Variants in OTUD7A observed in about 807,000 individuals in gnomAD.
OTUD7A encodes OTU deubiquitinase 7A.
Under a neutral mutation model 65.7 loss-of-function variants are expected in OTUD7A, and 12 were observed. The observed-to-expected ratio is 0.18, with a 90% CI of 0.12 to 0.30. The LOEUF (loss-of-function observed/expected upper bound fraction) is 0.30. Ranked by LOEUF, OTUD7A falls within the 10% of genes least tolerant of loss-of-function variation. The pLI is 1.00. For missense variants in OTUD7A, 1,148 were observed against 1,304.8 expected, an observed-to-expected ratio of 0.88 and a Z score of 1.85; for synonymous variants, 641 against 586.3, an observed-to-expected ratio of 1.09 and a Z score of -1.35.
At chr15:31,801,782 G>A (rs1896131022) in intron 1 of OTUD7A, among the ~76,000 whole-genome samples, 1 of 152,016 alleles carries the variant, frequency 6.6e-6, no homozygotes, top group Admixed American at 6.6e-5. Flanking sequence ...TATGATATGT[G>A]ACTGATTTTT....
At chr15:31,802,038 T>A (rs1392625041) in intron 1 of OTUD7A, among the ~76,000 whole-genome samples, 1 of 150,988 alleles carries the variant, frequency 6.6e-6, no homozygotes, top group Non-Finnish European at 1.5e-5. Context: ...CACAAAAAAA[T>A]AAGGTGTATT....
At chr15:31,766,848 A>C in intron 1 of OTUD7A, 1 of 1,611,764 alleles carries the variant, frequency 6.2e-7, no homozygotes, top group Non-Finnish European at 8.5e-7. Context: ...CTATGTTCGG[A>C]AAAGATTGAT....
intron 1 of OTUD7A, among the ~76,000 whole-genome samples, chr15:31,658,997 A>G (rs12901746): frequency 0.083 from 12,595 of 151,236 alleles, 1,294 homozygotes; most frequent in African/African-American, 0.25. Context: ...GCGCCATTGC[A>G]CTCCAGCCTG....
intron 3 of OTUD7A, among the ~76,000 whole-genome samples, chr15:31,641,972 C>T (rs1469726215): frequency 1.3e-5 from 2 of 152,162 alleles, no homozygotes; most frequent in Non-Finnish European, 2.9e-5. Flanking sequence ...AGTGAAAGGG[C>T]GCATTCTTAT....
intron 1 of OTUD7A, among the ~76,000 whole-genome samples, chr15:31,835,283 C>T (rs1897026779): frequency 6.6e-6 from 1 of 152,196 alleles, no homozygotes; most frequent in South Asian, 2.1e-4. Context: ...TTAGTATAAC[C>T]ATGTCCCATG....
At chr15:31,637,339 A>C (rs1891373143) in intron 3 of OTUD7A, among the ~76,000 whole-genome samples, 1 of 152,226 alleles carries the variant, frequency 6.6e-6, no homozygotes, top group Non-Finnish European at 1.5e-5. Flanking sequence ...ACATCTGTTG[A>C]TACCTTGGTT....
In OTUD7A at chr15:31,632,139, C is replaced by T. The variant is rs186316059; in HGVS notation, c.151+22957G>A. ...TTGTTCCGTTGCTGGTGAGAAGGTG[C>T]GTTCCTTTGGAGGAGGAGAGGTGCT... On this transcript the variant is annotated intron_variant, in intron 3 of 12. Transcript: ENST00000307050. Among the ~76,000 whole-genome samples the T allele has an allele frequency of 3.4e-3, 522 of 152,284 alleles. 3 individuals are homozygous for T. Among genetic ancestry groups the T allele is most frequent in the African/African-American group, 0.012 (498 of 41,544 alleles).
At chr15:31,594,583 C>T (rs1233977105) in intron 3 of OTUD7A, among the ~76,000 whole-genome samples, 2 of 152,160 alleles carry the variant, frequency 1.3e-5, no homozygotes, top group Non-Finnish European at 2.9e-5. Context: ...AGAGAGCTGG[C>T]GTGGGTGGCC....
intron 3 of OTUD7A, among the ~76,000 whole-genome samples, chr15:31,591,348 A>T (rs1451019259): frequency 6.6e-6 from 1 of 152,118 alleles, no homozygotes; most frequent in Non-Finnish European, 1.5e-5. Context: ...TTACCTAGAC[A>T]AGACATTTGC....
intron 1 of OTUD7A, among the ~76,000 whole-genome samples, chr15:31,750,403 C>CAA (rs3080850): frequency 0.022 from 1,973 of 88,298 alleles, 134 homozygotes; most frequent in African/African-American, 0.048. Context: ...GAATCTGACT[C>CAA]AAAAAAAAAA....
intron 1 of OTUD7A, among the ~76,000 whole-genome samples, chr15:31,829,506 T>C (rs139450056): frequency 2.0e-5 from 3 of 152,334 alleles, no homozygotes; most frequent in African/African-American, 4.8e-5. Context: ...ATGAGGATAC[T>C]AGACATTGGG....
chr15:31,507,504 C>G (rs1428850815), intron 8 of OTUD7A, among the ~76,000 whole-genome samples: 1 of 152,176 alleles, frequency 6.6e-6, no homozygotes, highest in East Asian at 1.9e-4. Flanking sequence ...AGAATGAAGT[C>G]GCGTGTTACA....
intron 1 of OTUD7A, among the ~76,000 whole-genome samples, chr15:31,822,323 T>C (rs1178784798): frequency 2.6e-5 from 4 of 152,190 alleles, no homozygotes; most frequent in African/African-American, 4.8e-5. Context: ...GGGGCAGGCA[T>C]ACCCTAGACC....
chr15:31,582,256 T>C (rs558648192), intron 3 of OTUD7A, among the ~76,000 whole-genome samples: 86 of 152,344 alleles, frequency 5.6e-4, no homozygotes, highest in African/African-American at 2.0e-3. Flanking sequence ...ATTATCAGCA[T>C]TTTGGTCAAA....
At chr15:31,724,838 T>C (rs1015542074) in intron 1 of OTUD7A, among the ~76,000 whole-genome samples, 1 of 152,070 alleles carries the variant, frequency 6.6e-6, no homozygotes, top group African/African-American at 2.4e-5. Context: ...GGAAAAGAGC[T>C]TAAGGGTAGG....
chr15:31,670,979 A>C (rs890047000), intron 1 of OTUD7A, among the ~76,000 whole-genome samples: 1 of 151,540 alleles, frequency 6.6e-6, no homozygotes, highest in Admixed American at 6.6e-5. Context: ...TGGGGGACAA[A>C]GCGAGACTCC....
At chr15:31,595,432 TG>T (rs1889874257) in intron 3 of OTUD7A, among the ~76,000 whole-genome samples, 1 of 152,242 alleles carries the variant, frequency 6.6e-6, no homozygotes, top group East Asian at 1.9e-4. Flanking sequence ...AATTTGTACA[TG>T]GTAGAATGAA....
intron 3 of OTUD7A, among the ~76,000 whole-genome samples, chr15:31,626,378 T>A (rs1055946532): frequency 3.9e-5 from 6 of 152,176 alleles, no homozygotes; most frequent in Non-Finnish European, 8.8e-5. Flanking sequence ...GGGTAAAATG[T>A]TAATTGTAGA....
chr15:31,628,380 T>C (rs1407758345), intron 3 of OTUD7A, among the ~76,000 whole-genome samples: 2 of 152,200 alleles, frequency 1.3e-5, no homozygotes, highest in African/African-American at 4.8e-5. Context: ...TTCTGTCAGG[T>C]TTGTCGAAGA....
Sources: gnomAD v4.1 joint callset for allele counts (sites outside exome capture counted in the v4.1 genomes callset) on GRCh38, gnomAD v4.1.1 for gene constraint, MANE v1.5 for transcripts, NCBI Gene and HGNC (gene_info 2026-07-23, HGNC 2026-07-21) for gene names.